Variants in PDSS2 observed in about 807,000 individuals in gnomAD.
PDSS2 encodes all trans-polyprenyl-diphosphate synthase PDSS2.
A neutral mutation model predicts 44.5 loss-of-function variants in PDSS2; 31 were observed. The observed-to-expected ratio is 0.70, with a 90% CI of 0.52 to 0.94. The LOEUF is 0.94. PDSS2 is among the 40% of genes least tolerant of loss of function. The pLI is 0.00. For synonymous variants in PDSS2, 157 were observed against 180.3 expected (o/e 0.87, Z 1.03); for missense variants, 452 against 482.2 (o/e 0.94, Z 0.59).
intron 2 of PDSS2, among the ~76,000 whole-genome samples, chr6:107,305,722 T>G (rs1776837767): frequency 6.6e-6 from 1 of 152,200 alleles, no homozygotes; most frequent in South Asian, 2.1e-4. Context: ...GTCTTCTTTT[T>G]TTTGCTTTTC....
intron 2 of PDSS2, 53 bp downstream of exon 2, chr6:107,334,145 G>A (rs1405513285): frequency 1.3e-6 from 2 of 1,512,922 alleles, no homozygotes; most frequent in Non-Finnish European, 1.8e-6. Flanking sequence ...CCTCTGTCCA[G>A]TAAAAGAAAA....
At chr6:107,432,769 C>T (rs1204027678) in intron 1 of PDSS2, among the ~76,000 whole-genome samples, 1 of 142,090 alleles carries the variant, frequency 7.0e-6, no homozygotes, top group Non-Finnish European at 1.5e-5. Flanking sequence ...AAAACAAAAA[C>T]AAAAACAAAC....
chr6:107,161,337 A>G (rs1322986838), intron 7 of PDSS2, among the ~76,000 whole-genome samples: 1 of 151,948 alleles, frequency 6.6e-6, no homozygotes, highest in Non-Finnish European at 1.5e-5. Flanking sequence ...AAAATTAGCC[A>G]GGCGTGGTGC....
chr6:107,448,168 TC>T (rs1221795170), intron 1 of PDSS2, among the ~76,000 whole-genome samples: 5 of 152,170 alleles, frequency 3.3e-5, no homozygotes, highest in African/African-American at 7.2e-5. Flanking sequence ...GCCAAGAAGG[TC>T]TCTGACACAT....
At chr6:107,437,368 T>C (rs1051016436) in intron 1 of PDSS2, among the ~76,000 whole-genome samples, 1 of 151,732 alleles carries the variant, frequency 6.6e-6, no homozygotes, top group Non-Finnish European at 1.5e-5. Flanking sequence ...TTACTAAAAA[T>C]ACAAAAATTA....
At chr6:107,175,237 C>T (rs1403264064) in intron 7 of PDSS2, among the ~76,000 whole-genome samples, 9 of 150,724 alleles carry the variant, frequency 6.0e-5, no homozygotes, top group East Asian at 3.9e-4. Context: ...AAAGATCTCT[C>T]TCTCTCTCGC....
chr6:107,386,737 A>G (rs1482503723), intron 1 of PDSS2, among the ~76,000 whole-genome samples: 8 of 152,236 alleles, frequency 5.3e-5, no homozygotes, highest in Admixed American at 4.6e-4. Flanking sequence ...ACTAAATCCC[A>G]TTTGACCAGA....
At chr6:107,285,134 G>C (rs928627978) in intron 2 of PDSS2, among the ~76,000 whole-genome samples, 1 of 151,812 alleles carries the variant, frequency 6.6e-6, no homozygotes, top group African/African-American at 2.4e-5. Flanking sequence ...GCAAATTCAG[G>C]GTCTTTCTAA....
intron 4 of PDSS2, among the ~76,000 whole-genome samples, chr6:107,215,980 T>C (rs1773399137): frequency 6.6e-6 from 1 of 151,552 alleles, no homozygotes; most frequent in African/African-American, 2.4e-5. Context: ...CTACCAAAAA[T>C]ACACAAATTA....
intron 1 of PDSS2, among the ~76,000 whole-genome samples, chr6:107,372,995 T>C (rs1779173413): frequency 6.6e-6 from 1 of 151,604 alleles, no homozygotes; most frequent in Non-Finnish European, 1.5e-5. Context: ...TTTTTTTTTT[T>C]TTTTTTTAAG....
intron 2 of PDSS2, among the ~76,000 whole-genome samples, chr6:107,329,267 T>C (rs1777641216): frequency 1.3e-5 from 2 of 152,236 alleles, no homozygotes; most frequent in South Asian, 2.1e-4. Context: ...TTCTGTGAAG[T>C]ACATACTGAG....
intron 2 of PDSS2, among the ~76,000 whole-genome samples, chr6:107,274,543 C>T (rs920783353): frequency 1.3e-5 from 2 of 152,094 alleles, no homozygotes; most frequent in African/African-American, 4.8e-5. Flanking sequence ...GTATACTTTC[C>T]TCACGCTCAT....
At chr6:107,357,621 A>T (rs559567261) in intron 1 of PDSS2, among the ~76,000 whole-genome samples, 22 of 152,262 alleles carry the variant, frequency 1.4e-4, no homozygotes, top group African/African-American at 3.4e-4. Context: ...TCCATTTTTT[A>T]AAAAGTAGGG....
intron 2 of PDSS2, among the ~76,000 whole-genome samples, chr6:107,294,343 C>T (rs1033354472): frequency 3.3e-5 from 5 of 151,986 alleles, no homozygotes; most frequent in African/African-American, 1.2e-4. Context: ...TCCTAAATGT[C>T]CCCCCAAATA....
At chr6:107,162,154 T>C (rs983611764) in intron 7 of PDSS2, among the ~76,000 whole-genome samples, 13 of 152,116 alleles carry the variant, frequency 8.5e-5, no homozygotes, top group African/African-American at 2.9e-4. Context: ...TTGTCCTACA[T>C]AATCACAATA....
At chr6:107,337,507 A>G (rs555291633) in intron 1 of PDSS2, among the ~76,000 whole-genome samples, 5 of 152,234 alleles carry the variant, frequency 3.3e-5, no homozygotes, top group Non-Finnish European at 5.9e-5. Flanking sequence ...CTCTAAGGCT[A>G]TGACCTCTTG....
chr6:107,329,508 T>C (rs970957240), intron 2 of PDSS2, among the ~76,000 whole-genome samples: 1 of 152,162 alleles, frequency 6.6e-6, no homozygotes, highest in Non-Finnish European at 1.5e-5. Flanking sequence ...GCATTCTCCC[T>C]GTATATGCAT....
chr6:107,268,563 T>A (rs1193503107), intron 3 of PDSS2, among the ~76,000 whole-genome samples: 1 of 152,188 alleles, frequency 6.6e-6, no homozygotes, highest in Non-Finnish European at 1.5e-5. Flanking sequence ...TCTGAATATT[T>A]AAAAATAATG....
At chr6:107,166,450 C>A (rs1433489715) in intron 7 of PDSS2, among the ~76,000 whole-genome samples, 2 of 150,954 alleles carry the variant, frequency 1.3e-5, no homozygotes, top group Non-Finnish European at 2.9e-5. Flanking sequence ...CTGCAAACTC[C>A]GCCTCCTGGG....
Sources: allele counts gnomAD v4.1 joint callset (sites outside exome capture counted in the v4.1 genomes callset), GRCh38; gene constraint gnomAD v4.1.1; transcripts MANE v1.5; gene names NCBI Gene and HGNC (gene_info 2026-07-23, HGNC 2026-07-21).